The following SDCCAG8 variants were observed in gnomAD, a reference collection of about 807,000 sequenced individuals.
The protein encoded by SDCCAG8 is SHH signaling and ciliogenesis regulator SDCCAG8.
SDCCAG8 carries 74 observed loss-of-function variants against 101.8 expected under a neutral mutation model. The observed-to-expected ratio is 0.73, with a 90% confidence interval of 0.60 to 0.88. The LOEUF is 0.88. Among genes scored for constraint, SDCCAG8 ranks in the 40% least tolerant of loss-of-function variants. The pLI is 0.00. For synonymous variants in SDCCAG8, 281 were observed against 292.9 expected, an observed-to-expected ratio of 0.96 and a Z score of 0.41; for missense variants, 787 against 822.6, an observed-to-expected ratio of 0.96 and a Z score of 0.53.
chr1:243,496,661 T>TC (rs1445760183), intron 17 of SDCCAG8, among the ~76,000 whole-genome samples: 1 of 152,072 alleles, frequency 6.6e-6, no homozygotes, highest in Non-Finnish European at 1.5e-5. Flanking sequence ...TGCCACCATC[T>TC]CCCCGGGCTG....
chr1:243,486,718 C>T (rs1229858562), intron 16 of SDCCAG8, among the ~76,000 whole-genome samples: 1 of 152,216 alleles, frequency 6.6e-6, no homozygotes, highest in East Asian at 1.9e-4. Flanking sequence ...ACATACTGAG[C>T]CCATCGGTCC....
chr1:243,456,248 T>A lies in SDCCAG8; in HGVS notation c.1985+29690T>A, dbSNP rs145871695. ...ATTAGGTCTGAGAAGAGTCATCGGGTTCTGCTCTCATCCTTGAGCCTGCCC... is the reference window on the plus strand; with the variant it reads ...ATTAGGTCTGAGAAGAGTCATCGGGATCTGCTCTCATCCTTGAGCCTGCCC... On this transcript the variant is annotated intron_variant, in intron 16 of 17. Coordinates refer to ENST00000366541, the MANE Select transcript of SDCCAG8 (RefSeq NM_006642.5). Among the ~76,000 whole-genome samples the A allele has an allele frequency of 3.6e-4, 55 of 152,326 alleles. 1 individual carries two copies. The highest frequency in any genetic ancestry group is 6.5e-4 in the Admixed American group (10 of 15,308).
chr1:243,258,131 A>G (rs1475097558), intron 1 of SDCCAG8, among the ~76,000 whole-genome samples: 1 of 152,230 alleles, frequency 6.6e-6, no homozygotes, highest in Non-Finnish European at 1.5e-5. Context: ...TGATAACAAT[A>G]TAAGGTAGTG....
chr1:243,363,895 A>G (rs1317058152), intron 12 of SDCCAG8, among the ~76,000 whole-genome samples: 1 of 152,194 alleles, frequency 6.6e-6, no homozygotes, highest in African/African-American at 2.4e-5. Context: ...AACACACTCA[A>G]AATATTAGCT....
At chr1:243,325,137 G>A (rs528980681) in intron 9 of SDCCAG8, among the ~76,000 whole-genome samples, 1 of 152,230 alleles carries the variant, frequency 6.6e-6, no homozygotes, top group Non-Finnish European at 1.5e-5. Context: ...ATCTATCATT[G>A]TATTTCACAC....
intron 12 of SDCCAG8, among the ~76,000 whole-genome samples, chr1:243,352,280 T>C (rs1443839092): frequency 1.3e-5 from 2 of 152,126 alleles, no homozygotes; most frequent in Non-Finnish European, 2.9e-5. Context: ...CATTAAGAAA[T>C]AAATATTTGC....
chr1:243,330,594 C>G lies in SDCCAG8; in HGVS notation c.1123C>G (p.Leu375Val). The G allele has an allele frequency of 1.2e-6, 2 of 1,613,814 alleles. No homozygotes were observed. The highest frequency in any genetic ancestry group is 1.7e-6 in the Non-Finnish European group (2 of 1,179,956). Reference sequence around the variant, plus strand: ...GGAGCTGGAGAGGCAGGCGGAGCGACTTGAAAAAGAACTTGCATCTCAGCA... The same window carrying G: ...GGAGCTGGAGAGGCAGGCGGAGCGAGTTGAAAAAGAACTTGCATCTCAGCA... ...RKELERQAER[L>V]EKELASQQEK... is the part of the protein sequence containing the mutation. Residue 375 changes from leucine (L) to valine (V), a missense_variant, in exon 10 of 18, where the codon CTT becomes GTT. Leu to Val is a conservative substitution (Grantham distance 32, BLOSUM62 1). Coordinates refer to ENST00000366541, the MANE Select transcript of SDCCAG8 (RefSeq NM_006642.5).
chr1:243,286,534 C>CAA (rs2069635175), intron 5 of SDCCAG8, 137 bp downstream of exon 5: 2 of 859,242 alleles, frequency 2.3e-6, no homozygotes, highest in Non-Finnish European at 3.8e-6. Flanking sequence ...TTTGAGACCT[C>CAA]AAATATCAAA....
chr1:243,475,227 A>G (rs1472082041), intron 16 of SDCCAG8, among the ~76,000 whole-genome samples: 1 of 152,176 alleles, frequency 6.6e-6, no homozygotes, highest in Admixed American at 6.5e-5. Context: ...TGCTTCTCCC[A>G]ACACAACCAA....
intron 17 of SDCCAG8, among the ~76,000 whole-genome samples, chr1:243,495,248 C>T (rs927840082): frequency 1.1e-4 from 16 of 152,322 alleles, no homozygotes; most frequent in African/African-American, 1.4e-4. Flanking sequence ...TGTGCGGGGC[C>T]GCCTCCCTCT....
chr1:243,357,898 G>C (rs1274283778), intron 12 of SDCCAG8, among the ~76,000 whole-genome samples: 1 of 152,110 alleles, frequency 6.6e-6, no homozygotes, highest in Admixed American at 6.6e-5. Context: ...ACAGGTAAAA[G>C]AAAGAACTTG....
intron 13 of SDCCAG8, among the ~76,000 whole-genome samples, chr1:243,399,826 C>G (rs1456786509): frequency 6.6e-6 from 1 of 152,150 alleles, no homozygotes; most frequent in Non-Finnish European, 1.5e-5. Flanking sequence ...TTGGAACTAC[C>G]TCTGGGAGTG....
intron 12 of SDCCAG8, among the ~76,000 whole-genome samples, chr1:243,348,202 A>AT (rs74162279): frequency 0.048 from 6,340 of 131,428 alleles, 199 homozygotes; most frequent in Middle Eastern, 0.089. Flanking sequence ...CGCCCGGCTA[A>AT]TTTTTTTTTT....
chr1:243,401,913 A>G (rs1483840686), intron 13 of SDCCAG8, among the ~76,000 whole-genome samples: 1 of 152,164 alleles, frequency 6.6e-6, no homozygotes, highest in African/African-American at 2.4e-5. Flanking sequence ...ATAGTTTTTG[A>G]AAATTATGAG....
intron 4 of SDCCAG8, among the ~76,000 whole-genome samples, chr1:243,275,296 C>G (rs567995307): frequency 1.7e-4 from 25 of 150,166 alleles, no homozygotes; most frequent in African/African-American, 6.1e-4. Flanking sequence ...CTCTTTCTTT[C>G]TTTCCCTCCC....
At chr1:243,334,154 C>A (rs1488993011) in intron 10 of SDCCAG8, among the ~76,000 whole-genome samples, 1 of 152,124 alleles carries the variant, frequency 6.6e-6, no homozygotes, top group African/African-American at 2.4e-5. Flanking sequence ...ATTTACATTG[C>A]CTTGTCTCTC....
At position 243,491,268 on chromosome 1, in the gene SDCCAG8, A is replaced by AT. The variant is rs1256013519; in HGVS notation, c.2112+2130dup. Among the ~76,000 whole-genome samples, 4 of 152,240 alleles carry AT rather than the reference A, an allele frequency of 2.6e-5. No individual in the cohort carries two copies. In the East Asian group the frequency reaches 7.7e-4, roughly 29 times the overall value. ...GAGTTGCAAAATTTTCACAAAACGC[A>AT]TTAAAAAAACCCCAAACCTCAAAAA... On this transcript the variant is annotated intron_variant, in intron 17 of 17. Coordinates refer to ENST00000366541, the MANE Select transcript of SDCCAG8 (RefSeq NM_006642.5).
intron 13 of SDCCAG8, among the ~76,000 whole-genome samples, chr1:243,398,696 C>T (rs1222900398): frequency 2.0e-5 from 3 of 152,096 alleles, no homozygotes; most frequent in East Asian, 1.9e-4. Context: ...ACTTGAACTA[C>T]GGGGTTCAAA....
At chr1:243,460,920 T>C (rs1001396054) in intron 16 of SDCCAG8, among the ~76,000 whole-genome samples, 3 of 152,244 alleles carry the variant, frequency 2.0e-5, no homozygotes, top group African/African-American at 7.2e-5. Context: ...GACGCTTGTA[T>C]CTTATTGCTT....
Sources: gnomAD v4.1 joint callset for allele counts (sites outside exome capture counted in the v4.1 genomes callset) on GRCh38, gnomAD v4.1.1 for gene constraint, MANE v1.5 for transcripts, NCBI Gene and HGNC (gene_info 2026-07-23, HGNC 2026-07-21) for gene names.